DHRS7B: variants seen among roughly 807,000 people sequenced by gnomAD.
DHRS7B encodes dehydrogenase/reductase 7B.
A neutral mutation model predicts 26.4 loss-of-function variants in DHRS7B; 24 were observed. The observed-to-expected ratio is 0.91, with a 90% confidence interval of 0.66 to 1.28. The LOEUF is 1.28. Among genes scored for constraint, DHRS7B ranks in the 50% most tolerant of loss-of-function variants. DHRS7B has a pLI of 0.00. For missense variants in DHRS7B, 368 were observed against 419.4 expected, an observed-to-expected ratio of 0.88 and a Z score of 1.07; for synonymous variants, 142 against 166.4, an observed-to-expected ratio of 0.85 and a Z score of 1.13.
At chr17:21,177,874 T>C (rs1974419061) in intron 2 of DHRS7B, among the ~76,000 whole-genome samples, 1 of 152,238 alleles carries the variant, frequency 6.6e-6, no homozygotes, top group African/African-American at 2.4e-5. Context: ...CTGGCCCTCA[T>C]TGACCTTGCC....
At chr17:21,162,172 A>G (rs1026934664) in intron 1 of DHRS7B, among the ~76,000 whole-genome samples, 3 of 152,126 alleles carry the variant, frequency 2.0e-5, no homozygotes, top group African/African-American at 7.2e-5. Flanking sequence ...TCAAAGTATT[A>G]TGATTTCAAC....
intron 1 of DHRS7B, among the ~76,000 whole-genome samples, chr17:21,146,403 A>T (rs981733125): frequency 6.6e-6 from 1 of 152,250 alleles, no homozygotes; most frequent in South Asian, 2.1e-4. Context: ...CTTGTCTCAG[A>T]AAACAAAAAC....
At chr17:21,137,658 T>C (rs1252385270) in intron 1 of DHRS7B, among the ~76,000 whole-genome samples, 2 of 152,120 alleles carry the variant, frequency 1.3e-5, no homozygotes, top group Non-Finnish European at 2.9e-5. Flanking sequence ...GGTTTCTCCA[T>C]GTTGGTCAGG....
intron 1 of DHRS7B, among the ~76,000 whole-genome samples, chr17:21,132,538 A>C (rs976886799): frequency 2.7e-5 from 4 of 147,964 alleles, no homozygotes; most frequent in Non-Finnish European, 5.9e-5. Context: ...CTCAAAAAAA[A>C]AAAAAAAAAA....
intron 1 of DHRS7B, among the ~76,000 whole-genome samples, chr17:21,152,354 C>T (rs888720639): frequency 2.0e-5 from 3 of 152,076 alleles, no homozygotes; most frequent in Non-Finnish European, 4.4e-5. Context: ...GGGATTTCAC[C>T]ACATTGCCCA....
intron 6 of DHRS7B, 51 bp downstream of exon 6, chr17:21,188,914 G>A: frequency 6.2e-7 from 1 of 1,606,836 alleles, no homozygotes; most frequent in Non-Finnish European, 8.5e-7. Flanking sequence ...GTCAGCCACA[G>A]TGAGACATGC....
At chr17:21,132,530 C>CA (rs34728939) in intron 1 of DHRS7B, among the ~76,000 whole-genome samples, 32,037 of 81,484 alleles carry the variant, frequency 0.39, 6,412 homozygotes, top group Non-Finnish European at 0.45. Flanking sequence ...GACCTTGTCT[C>CA]AAAAAAAAAA....
intron 1 of DHRS7B, chr17:21,166,043 G>C: frequency 2.0e-6 from 1 of 502,682 alleles, no homozygotes; most frequent in Non-Finnish European, 2.6e-6. Flanking sequence ...GACTTGGCGC[G>C]GGCTCTGCCT....
intron 1 of DHRS7B, among the ~76,000 whole-genome samples, chr17:21,168,019 G>A (rs537672792): frequency 6.6e-6 from 1 of 152,214 alleles, no homozygotes; most frequent in African/African-American, 2.4e-5. Context: ...CTTTTAGCTG[G>A]TAGAAAGCCC....
rs755372787 is a variant in DHRS7B, at chr17:21,172,348, A to G, written c.199+152A>G. On this transcript the variant is annotated intron_variant, in intron 2 of 6. Transcript: ENST00000395511. Reference sequence around the variant, plus strand: ...TGGGCCGGATGGCACTGTCCTTGGTACAAGTGGAAAAAGCAGGAGCCAAGG... The same window carrying G: ...TGGGCCGGATGGCACTGTCCTTGGTGCAAGTGGAAAAAGCAGGAGCCAAGG... 55 of 954,352 alleles carry G rather than the reference A, an allele frequency of 5.8e-5. 2 individuals carry two copies. In the South Asian group the frequency reaches 7.7e-4, roughly 13 times the overall value. The allele number at this position is 954,352 out of a possible 1,614,324, so 59.1% of individuals were successfully genotyped here. A position where few individuals can be genotyped will look rare whatever the true frequency, so the allele number is the denominator to read the frequency against.
At chr17:21,190,305 C>G (rs1046119197) in intron 6 of DHRS7B, among the ~76,000 whole-genome samples, 2 of 152,172 alleles carry the variant, frequency 1.3e-5, no homozygotes, top group African/African-American at 4.8e-5. Flanking sequence ...TCTAACACTG[C>G]CTCCTAATCT....
At chr17:21,157,196 T>C (rs905764683) in intron 1 of DHRS7B, among the ~76,000 whole-genome samples, 2 of 152,218 alleles carry the variant, frequency 1.3e-5, no homozygotes, top group African/African-American at 4.8e-5. Context: ...GCAGAGAGAA[T>C]ACTTTCTAAC....
At chr17:21,177,399 C>T (rs1034730756) in intron 2 of DHRS7B, among the ~76,000 whole-genome samples, 7 of 152,182 alleles carry the variant, frequency 4.6e-5, no homozygotes, top group Admixed American at 1.3e-4. Flanking sequence ...TTTCTTGCCA[C>T]CAAAAGAATA....
At chr17:21,149,101 T>G (rs965068783) in intron 1 of DHRS7B, among the ~76,000 whole-genome samples, 1 of 152,060 alleles carries the variant, frequency 6.6e-6, no homozygotes, top group Non-Finnish European at 1.5e-5. Flanking sequence ...GGAGCTCCAA[T>G]TTGTCTGGCA....
At chr17:21,136,549 G>T (rs113051305) in intron 1 of DHRS7B, among the ~76,000 whole-genome samples, 4,692 of 65,648 alleles carry the variant, frequency 0.071, 226 homozygotes, top group African/African-American at 0.15. Flanking sequence ...GGGTTTTTTT[G>T]TTTGTTTGTT....
At chr17:21,147,981 T>C (rs1204983442) in intron 1 of DHRS7B, among the ~76,000 whole-genome samples, 1 of 152,120 alleles carries the variant, frequency 6.6e-6, no homozygotes, top group African/African-American at 2.4e-5. Flanking sequence ...TCAGGGAGGC[T>C]AAGACAGGAG....
At chr17:21,184,303 C>G in intron 4 of DHRS7B, 68 bp from the exon 5 acceptor site, 1 of 1,420,480 alleles carries the variant, frequency 7.0e-7, no homozygotes, top group Non-Finnish European at 9.8e-7. Context: ...GCAAGGTCGC[C>G]TTCCATCAGC....
At chr17:21,177,423 T>G (rs773884511) in intron 2 of DHRS7B, among the ~76,000 whole-genome samples, 1 of 152,230 alleles carries the variant, frequency 6.6e-6, no homozygotes, top group Non-Finnish European at 1.5e-5. Flanking sequence ...AGCACGTGTC[T>G]GACTAGCTTT....
intron 3 of DHRS7B, among the ~76,000 whole-genome samples, chr17:21,179,942 T>C (rs1974478205): frequency 6.6e-6 from 1 of 150,908 alleles, no homozygotes; most frequent in African/African-American, 2.4e-5. Flanking sequence ...AATTTTGTAT[T>C]TTTAGTAGAG....
Sources: allele counts gnomAD v4.1 joint callset (sites outside exome capture counted in the v4.1 genomes callset), GRCh38; gene constraint gnomAD v4.1.1; transcripts MANE v1.5; gene names NCBI Gene and HGNC (gene_info 2026-07-23, HGNC 2026-07-21).